ZNF827: variants seen among roughly 807,000 people sequenced by gnomAD.
ZNF827 encodes the protein zinc finger protein 827.
Under a neutral mutation model 102.4 loss-of-function variants are expected in ZNF827, and 13 were observed. The ratio of observed to expected loss-of-function variants is 0.13; its 90% CI spans 0.08 to 0.20. The LOEUF (loss-of-function observed/expected upper bound fraction) is 0.20. Among genes scored for constraint, ZNF827 ranks in the 10% least tolerant of loss-of-function variants. The probability of loss-of-function intolerance (pLI) is 1.00; values close to 1 mark genes in which losing one functional copy is unlikely to be tolerated. For missense variants in ZNF827, 1,103 were observed against 1,344.4 expected (o/e 0.82, Z 2.81); for synonymous variants, 523 against 536.2 (o/e 0.98, Z 0.34).
chr4:145,870,243 A>G lies in ZNF827; in HGVS notation c.1981+2T>C. On this transcript the variant is annotated splice_donor_variant, in intron 5 of 14. Transcript: ENST00000508784. LOFTEE classifies it high-confidence loss of function. ...GTGAATATTTTAGAATAAATCAAGTACCTGAGAGTTTCATGAGAAGTTCAG... is the reference window on the plus strand; with the variant it reads ...GTGAATATTTTAGAATAAATCAAGTGCCTGAGAGTTTCATGAGAAGTTCAG... The G allele has an allele frequency of 1.9e-6, 3 of 1,613,490 alleles. No individual in the cohort carries two copies. In the South Asian group the frequency reaches 3.3e-5, roughly 18 times the overall value.
chr4:145,850,585 G>A (rs1371613409), intron 5 of ZNF827, among the ~76,000 whole-genome samples: 1 of 152,160 alleles, frequency 6.6e-6, no homozygotes, highest in Non-Finnish European at 1.5e-5. Context: ...GTTTTGTAAG[G>A]GTGGAGTGTC....
At chr4:145,807,637 A>C (rs1741587017) in intron 8 of ZNF827, among the ~76,000 whole-genome samples, 1 of 151,838 alleles carries the variant, frequency 6.6e-6, no homozygotes, top group African/African-American at 2.4e-5. Flanking sequence ...ACGCCCAGCT[A>C]ATTTTTGTAT....
At chr4:145,919,676 T>A (rs1752919948) in intron 1 of ZNF827, among the ~76,000 whole-genome samples, 1 of 152,210 alleles carries the variant, frequency 6.6e-6, no homozygotes, top group Non-Finnish European at 1.5e-5. Context: ...AAATCCATCA[T>A]CCATAAAGTA....
chr4:145,847,976 A>C (rs915323152), intron 6 of ZNF827, among the ~76,000 whole-genome samples: 2 of 152,160 alleles, frequency 1.3e-5, no homozygotes, highest in Non-Finnish European at 2.9e-5. Flanking sequence ...TCGGGGCTAA[A>C]TGACTTGTCT....
At chr4:145,921,241 A>G (rs1753041470) in intron 1 of ZNF827, among the ~76,000 whole-genome samples, 1 of 152,240 alleles carries the variant, frequency 6.6e-6, no homozygotes, top group African/African-American at 2.4e-5. Flanking sequence ...CGAATAAAAC[A>G]AGGAGTATAC....
Position 145,770,347 on chromosome 4 carries a change from T to A in ZNF827, c.2860+4159A>T, listed in dbSNP as rs11734400. Among the ~76,000 whole-genome samples, 377 of 53,802 alleles carry A rather than the reference T, an allele frequency of 7.0e-3. 3 individuals are homozygous for A. The highest frequency in any genetic ancestry group is 0.012 in the African/African-American group (269 of 22,264). The allele number at this position is 53,802 out of a possible 152,430, so 35.3% of individuals were successfully genotyped here. A position where few individuals can be genotyped will look rare whatever the true frequency, so the allele number is the denominator to read the frequency against. ...ATAAATAAATAAATAAATAAATAAA[T>A]AAAATAGATCAGAACATGTGAGTTT... is the stretch of plus-strand genomic sequence containing the variant. On this transcript the variant is annotated intron_variant, in intron 11 of 14. Coordinates refer to ENST00000508784, the MANE Select transcript of ZNF827 (RefSeq NM_001306215.2).
At chr4:145,851,309 G>C (rs556258113) in intron 5 of ZNF827, among the ~76,000 whole-genome samples, 1 of 152,110 alleles carries the variant, frequency 6.6e-6, no homozygotes, top group African/African-American at 2.4e-5. Flanking sequence ...CAGACAGACA[G>C]GCAGACAGAC....
chr4:145,927,470 A>T (rs185887396), intron 1 of ZNF827, among the ~76,000 whole-genome samples: 17 of 152,340 alleles, frequency 1.1e-4, no homozygotes, highest in Non-Finnish European at 1.5e-4. Flanking sequence ...GATACATTTG[A>T]TTTGATAAGA....
At chr4:145,887,738 C>T (rs1482283587) in intron 3 of ZNF827, among the ~76,000 whole-genome samples, 6 of 152,126 alleles carry the variant, frequency 3.9e-5, no homozygotes, top group African/African-American at 1.2e-4. Context: ...TCACAGAATC[C>T]CCACCATCTC....
intron 1 of ZNF827, among the ~76,000 whole-genome samples, chr4:145,921,111 T>G (rs1753032839): frequency 6.6e-6 from 1 of 152,168 alleles, no homozygotes; most frequent in Admixed American, 6.5e-5. Flanking sequence ...AACTGAGTGT[T>G]GCAGGCTAAG....
chr4:145,902,850 C>T lies in ZNF827; in HGVS notation c.409G>A (p.Ala137Thr). 6.2e-7 allele frequency: 1 copy of T among 1,614,144 alleles called. No individual in the cohort carries two copies. Among genetic ancestry groups the T allele is most frequent in the Non-Finnish European group, 8.5e-7 (1 of 1,180,022 alleles). Residue 137 changes from alanine to threonine, a missense_variant, in exon 2 of 15, where the codon GCA becomes ACA. Coordinates refer to ENST00000508784, the MANE Select transcript of ZNF827 (RefSeq NM_001306215.2). This position sits in a 1 kb window ranked among gnomAD's most constrained non-coding sequence, Gnocchi z 4.3. The part of the protein sequence containing the change: ...LEAGSLKLDA[A>T]ATANGRVESP... ...TCCACTCTGCCATTAGCCGTGGCTG[C>T]AGCATCGAGTTTGAGGGAACCAGCC... is the stretch of plus-strand genomic sequence containing the variant.
At chr4:145,890,330 T>C (rs1467746104) in intron 3 of ZNF827, among the ~76,000 whole-genome samples, 3 of 152,314 alleles carry the variant, frequency 2.0e-5, no homozygotes, top group South Asian at 4.1e-4. Context: ...AACTGCTTTA[T>C]CGTACTGGTT....
intron 7 of ZNF827, among the ~76,000 whole-genome samples, chr4:145,837,799 C>A (rs1022341565): frequency 1.3e-5 from 2 of 152,122 alleles, no homozygotes; most frequent in Non-Finnish European, 2.9e-5. Flanking sequence ...TCATACAAAA[C>A]CGTATCCAGG....
chr4:145,800,206 T>C (rs191908214), intron 8 of ZNF827, among the ~76,000 whole-genome samples: 2 of 152,360 alleles, frequency 1.3e-5, no homozygotes, highest in African/African-American at 4.8e-5. Flanking sequence ...TGAAATTGCA[T>C]GTCACAGTTG....
intron 7 of ZNF827, among the ~76,000 whole-genome samples, chr4:145,836,111 C>A (rs1422279754): frequency 1.3e-5 from 2 of 152,038 alleles, no homozygotes; most frequent in Non-Finnish European, 1.5e-5. Context: ...TGTACTGCCG[C>A]AAAGCTTCAC....
chr4:145,870,668 G>A lies in ZNF827; in HGVS notation c.1748-190C>T, dbSNP rs185825207. On this transcript the variant is annotated intron_variant, in intron 4 of 14. Coordinates refer to ENST00000508784, the MANE Select transcript of ZNF827 (RefSeq NM_001306215.2). ...CACTCCATGGGCCTACAACTCTGAG[G>A]AGTGTGGGCTTCTGAATCTTTTGAA... 1,600 of 546,122 alleles carry A rather than the reference G, an allele frequency of 2.9e-3. 6 individuals are homozygous for A. The highest frequency in any genetic ancestry group is 3.2e-3 in the Non-Finnish European group (995 of 308,340). The allele number at this position is 546,122 out of a possible 1,614,324, so 33.8% of individuals were successfully genotyped here. A position where few individuals can be genotyped will look rare whatever the true frequency, so the allele number is the denominator to read the frequency against.
chr4:145,861,627 G>A (rs576071918), intron 5 of ZNF827, among the ~76,000 whole-genome samples: 9 of 152,234 alleles, frequency 5.9e-5, no homozygotes, highest in African/African-American at 1.4e-4. Flanking sequence ...AGGCCTAGGC[G>A]TCATTCTTAA....
chr4:145,780,637 T>C (rs1448002704), intron 8 of ZNF827, among the ~76,000 whole-genome samples: 1 of 152,178 alleles, frequency 6.6e-6, no homozygotes, highest in Non-Finnish European at 1.5e-5. Flanking sequence ...ATACAAACAT[T>C]CCTCCTATGA....
At chr4:145,768,916 T>TATATATATATATATATATATAA (rs34051922) in intron 11 of ZNF827, among the ~76,000 whole-genome samples, 11 of 34,422 alleles carry the variant, frequency 3.2e-4, no homozygotes, top group African/African-American at 1.1e-3. Context: ...TATATATATA[T>TATATATATATATATATATATAA]TAGGTATACA....
Sources: gnomAD v4.1 joint callset for allele counts (sites outside exome capture counted in the v4.1 genomes callset) on GRCh38, gnomAD v4.1.1 for gene constraint, Gnocchi (gnomAD v3.1) non-coding constraint, MANE v1.5 for transcripts, NCBI Gene and HGNC (gene_info 2026-07-23, HGNC 2026-07-21) for gene names.